SLC13A3: variants seen among roughly 807,000 people sequenced by gnomAD.
SLC13A3 encodes Na(+)/dicarboxylate cotransporter 3.
SLC13A3 carries 40 observed loss-of-function variants against 59.0 expected under a neutral mutation model. The ratio of observed to expected loss-of-function variants is 0.68; its 90% CI spans 0.53 to 0.88. The LOEUF (loss-of-function observed/expected upper bound fraction) is 0.88, where lower values mean the gene tolerates loss of function less well. Among genes scored for constraint, SLC13A3 ranks in the 40% least tolerant of loss-of-function variants. The probability of loss-of-function intolerance (pLI) is 0.00; values close to 1 mark genes in which losing one functional copy is unlikely to be tolerated. For missense variants in SLC13A3, 699 were observed against 783.2 expected (o/e 0.89, Z 1.28); for synonymous variants, 317 against 330.3 (o/e 0.96, Z 0.44).
chr20:46,583,676 T>C lies in SLC13A3; in HGVS notation c.1122-7A>G, dbSNP rs1459186725. On this transcript the variant is annotated splice_region_variant and splice_polypyrimidine_tract_variant and intron_variant, in intron 8 of 12. Transcript: ENST00000279027. ...GACAGCATCAGAAAGAAACCTACAA[T>C]GAGAAGGCCCCAAATCACGTGACCA... The C allele has an allele frequency of 6.2e-7, 1 of 1,613,806 alleles. No individual in the cohort carries two copies. Among genetic ancestry groups the C allele is most frequent in the Non-Finnish European group, 8.5e-7 (1 of 1,179,952 alleles).
intron 1 of SLC13A3, among the ~76,000 whole-genome samples, chr20:46,632,803 C>T (rs1347299838): frequency 6.6e-6 from 1 of 151,964 alleles, no homozygotes; most frequent in Non-Finnish European, 1.5e-5. Context: ...CTATCTCTCT[C>T]TCTCTCTTTC....
Position 46,603,309 on chromosome 20 carries a change from G to A in SLC13A3, c.542-3272C>T, listed in dbSNP as rs186732960. ...TGTCATAACAACATCTCTGCCATAG[G>A]GGCAGAAAATCAGCCACAGACAACA... On this transcript the variant is annotated intron_variant, in intron 3 of 12. Transcript: ENST00000279027. 7.9e-4 allele frequency among the ~76,000 whole-genome samples: 121 copies of A among 152,274 alleles called. 1 individual carries two copies. Among genetic ancestry groups the A allele is most frequent in the Middle Eastern group, 3.4e-3 (1 of 294 alleles).
chr20:46,655,762 A>G (rs570450691), upstream of SLC13A3, among the ~76,000 whole-genome samples: 8 of 145,566 alleles, frequency 5.5e-5, no homozygotes, highest in Non-Finnish European at 1.0e-4. Flanking sequence ...TATTTTATAC[A>G]AAAGAAAATA....
chr20:46,583,025 C>T (rs1291922224), intron 9 of SLC13A3: 2 of 985,984 alleles, frequency 2.0e-6, no homozygotes, highest in Non-Finnish European at 2.4e-6. Flanking sequence ...CTTGTGTTTT[C>T]CATGTGTGGC....
chr20:46,675,030 G>A (rs1469462955), upstream of SLC13A3, among the ~76,000 whole-genome samples: 1 of 152,062 alleles, frequency 6.6e-6, no homozygotes, highest in Non-Finnish European at 1.5e-5. Flanking sequence ...GGCGATCAGT[G>A]GGAAAAGTGT....
chr20:46,630,371 C>A (rs1171480584), intron 1 of SLC13A3, among the ~76,000 whole-genome samples: 1 of 152,198 alleles, frequency 6.6e-6, no homozygotes, highest in Non-Finnish European at 1.5e-5. Context: ...CTCAGGAACT[C>A]TCCCTTCTCT....
At chr20:46,646,162 TC>T (rs2062892295) in intron 1 of SLC13A3, among the ~76,000 whole-genome samples, 2 of 152,138 alleles carry the variant, frequency 1.3e-5, no homozygotes. Flanking sequence ...GCAGTTTTTT[TC>T]TGGAAAACCT....
chr20:46,642,397 CCCTT>C (rs1264130171), intron 1 of SLC13A3, among the ~76,000 whole-genome samples: 1 of 152,152 alleles, frequency 6.6e-6, no homozygotes, highest in Non-Finnish European at 1.5e-5. Flanking sequence ...TCATAGGCCT[CCCTT>C]GTCTGGATGT....
intron 1 of SLC13A3, among the ~76,000 whole-genome samples, chr20:46,645,071 G>T (rs1268950974): frequency 6.6e-6 from 1 of 152,192 alleles, no homozygotes; most frequent in Non-Finnish European, 1.5e-5. Flanking sequence ...AGCTCCAGGA[G>T]AGAGAATCCA....
intron 1 of SLC13A3, among the ~76,000 whole-genome samples, chr20:46,648,053 C>T (rs1370684374): frequency 1.3e-5 from 2 of 152,126 alleles, no homozygotes; most frequent in Non-Finnish European, 2.9e-5. Flanking sequence ...TCTTGAATTG[C>T]CCAGCAAGCA....
chr20:46,664,500 A>G (rs1314753767), intron 1 of SLC13A3, among the ~76,000 whole-genome samples: 1 of 152,224 alleles, frequency 6.6e-6, no homozygotes, highest in African/African-American at 2.4e-5. Flanking sequence ...TTTACTCAAT[A>G]TTTGCTATAT....
chr20:46,625,817 C>A (rs1257506133), intron 1 of SLC13A3, among the ~76,000 whole-genome samples: 6 of 152,320 alleles, frequency 3.9e-5, no homozygotes, highest in South Asian at 4.1e-4. Flanking sequence ...GATTCCTCCA[C>A]GCAGTTGTGT....
At chr20:46,657,715 T>A (rs2063003659) in intron 1 of SLC13A3, among the ~76,000 whole-genome samples, 1 of 152,170 alleles carries the variant, frequency 6.6e-6, no homozygotes, top group Admixed American at 6.5e-5. Context: ...AGGTTGTACA[T>A]GAAACATGGC....
intron 3 of SLC13A3, among the ~76,000 whole-genome samples, chr20:46,600,311 G>GAA (rs1312570906): frequency 0.039 from 3,403 of 87,644 alleles, 189 homozygotes; most frequent in African/African-American, 0.17. Context: ...AAGAAAGAAA[G>GAA]AGGGAAGGAA....
chr20:46,588,123 C>A lies in SLC13A3; in HGVS notation c.1057G>T (p.Ala353Ser). Residue 353 changes from alanine (A) to serine (S), a missense_variant, in exon 8 of 13, where the codon GCC becomes TCC. Transcript: ENST00000279027. ...GGGTCCCGGGTGAAGAGGAGGATGG[C>A]AAACATGCAGAAAAGGATGAAAACA... ...QAVFILFCMFAILLFTRDPKF... is the reference protein window; with the variant it reads ...QAVFILFCMFSILLFTRDPKF... The A allele has an allele frequency of 6.2e-7, 1 of 1,612,960 alleles. No individual in the cohort carries two copies. The highest frequency in any genetic ancestry group is 8.5e-7 in the Non-Finnish European group (1 of 1,179,378).
intron 3 of SLC13A3, among the ~76,000 whole-genome samples, chr20:46,607,179 A>G (rs577786129): frequency 6.6e-6 from 1 of 152,334 alleles, no homozygotes; most frequent in Non-Finnish European, 1.5e-5. Context: ...ACCTCCTAGT[A>G]CAATTATGAA....
At chr20:46,589,497 G>A (rs1217540445) in intron 6 of SLC13A3, among the ~76,000 whole-genome samples, 1 of 152,080 alleles carries the variant, frequency 6.6e-6, no homozygotes, top group Admixed American at 6.6e-5. Flanking sequence ...TCCATGAGTG[G>A]GTCAAACAGG....
chr20:46,602,117 T>C (rs1003531959), intron 3 of SLC13A3, among the ~76,000 whole-genome samples: 5 of 152,124 alleles, frequency 3.3e-5, no homozygotes, highest in Non-Finnish European at 5.9e-5. Context: ...GAGGATTGCT[T>C]GAGCCGAGAG....
intron 1 of SLC13A3, among the ~76,000 whole-genome samples, chr20:46,628,478 G>A (rs1160686475): frequency 6.6e-6 from 1 of 152,160 alleles, no homozygotes; most frequent in East Asian, 1.9e-4. Context: ...AGGCCTAACG[G>A]AGTCTGCATC....
Sources: gnomAD v4.1 joint callset for allele counts (sites outside exome capture counted in the v4.1 genomes callset) on GRCh38, gnomAD v4.1.1 for gene constraint, MANE v1.5 for transcripts, NCBI Gene and HGNC (gene_info 2026-07-23, HGNC 2026-07-21) for gene names.